The following GABRB1 variants were observed in gnomAD, a reference collection of about 807,000 sequenced individuals.
The protein encoded by GABRB1 is gamma-aminobutyric acid type A receptor subunit beta1, also known as gamma-aminobutyric acid receptor subunit beta-1.
GABRB1 carries 17 observed loss-of-function variants against 51.6 expected under a neutral mutation model. The ratio of observed to expected loss-of-function variants is 0.33; its 90% CI spans 0.23 to 0.49. GABRB1 has a LOEUF of 0.49. Among genes scored for constraint, GABRB1 ranks in the 20% least tolerant of loss-of-function variants. The pLI is 0.99. For missense variants in GABRB1, 410 were observed against 600.6 expected (o/e 0.68, Z 3.32); for synonymous variants, 247 against 218.9 (o/e 1.13, Z -1.14).
intron 4 of GABRB1, among the ~76,000 whole-genome samples, chr4:47,242,327 T>A (rs367705507): frequency 3.3e-5 from 5 of 152,166 alleles, no homozygotes; most frequent in Admixed American, 2.0e-4. Flanking sequence ...TGCTATTGTG[T>A]ATAGTGCCGC....
chr4:47,056,893 G>A (rs185208173), intron 3 of GABRB1, among the ~76,000 whole-genome samples: 158 of 152,268 alleles, frequency 1.0e-3, no homozygotes, highest in African/African-American at 3.5e-3. Context: ...AGATCATGAG[G>A]TCAGGAGTTT....
chr4:47,249,914 G>A (rs11726543), intron 4 of GABRB1, among the ~76,000 whole-genome samples: 33,194 of 151,980 alleles, frequency 0.22, 3,872 homozygotes, highest in African/African-American at 0.29. Flanking sequence ...GGAGCATTTA[G>A]GCCATTTACA....
At chr4:47,185,512 C>G (rs930325978) in intron 4 of GABRB1, among the ~76,000 whole-genome samples, 2 of 151,774 alleles carry the variant, frequency 1.3e-5, no homozygotes, top group East Asian at 1.9e-4. Flanking sequence ...AACATCCAAA[C>G]TTCCTGACAT....
At chr4:47,349,406 G>A (rs1012052445) in intron 5 of GABRB1, among the ~76,000 whole-genome samples, 2 of 152,188 alleles carry the variant, frequency 1.3e-5, no homozygotes, top group African/African-American at 4.8e-5. Context: ...AGAAAGGACA[G>A]TAGTACCTCC....
chr4:47,255,799 G>C (rs1441715206), intron 4 of GABRB1, among the ~76,000 whole-genome samples: 6 of 152,168 alleles, frequency 3.9e-5, no homozygotes, highest in Non-Finnish European at 5.9e-5. Flanking sequence ...TAGTTGATTT[G>C]GGTGCTTCTG....
At chr4:47,354,949 CT>C (rs1726498606) in intron 5 of GABRB1, among the ~76,000 whole-genome samples, 2 of 124,664 alleles carry the variant, frequency 1.6e-5, no homozygotes, top group Non-Finnish European at 3.4e-5. Context: ...GCCTTCCTTT[CT>C]CTCTCCTTCC....
At chr4:47,244,867 C>A (rs550162661) in intron 4 of GABRB1, among the ~76,000 whole-genome samples, 12 of 152,258 alleles carry the variant, frequency 7.9e-5, no homozygotes, top group Admixed American at 6.5e-4. Flanking sequence ...AAATATATAG[C>A]ACTAAATGCC....
chr4:47,272,554 T>C (rs1722914186), intron 4 of GABRB1, among the ~76,000 whole-genome samples: 1 of 152,152 alleles, frequency 6.6e-6, no homozygotes, highest in African/African-American at 2.4e-5. Flanking sequence ...TTATAACTGG[T>C]AATTACAGAA....
At chr4:47,399,210 T>C (rs971224303) in intron 5 of GABRB1, among the ~76,000 whole-genome samples, 1 of 152,336 alleles carries the variant, frequency 6.6e-6, no homozygotes, top group South Asian at 2.1e-4. Flanking sequence ...CTCCTTAGAT[T>C]TGTTATTATA....
intron 4 of GABRB1, among the ~76,000 whole-genome samples, chr4:47,249,360 T>TG (rs1198723997): frequency 2.0e-5 from 3 of 152,170 alleles, no homozygotes; most frequent in Non-Finnish European, 4.4e-5. Context: ...TATTCCACTG[T>TG]GACCTGAGAG....
intron 4 of GABRB1, among the ~76,000 whole-genome samples, chr4:47,305,601 G>A (rs1724437253): frequency 6.6e-6 from 1 of 152,064 alleles, no homozygotes; most frequent in Non-Finnish European, 1.5e-5. Context: ...AGTCACACAA[G>A]AAGCAAGTAA....
intron 4 of GABRB1, among the ~76,000 whole-genome samples, chr4:47,298,612 T>C (rs1405439688): frequency 6.6e-6 from 1 of 152,202 alleles, no homozygotes; most frequent in Non-Finnish European, 1.5e-5. Context: ...TGGAAGAACA[T>C]TCCATGCTCA....
chr4:47,254,534 TTG>T lies in GABRB1; in HGVS notation c.462-65579_462-65578del, dbSNP rs564593436. ...GTGCCCGCCACCATGCCCGGCTGAT[TTG>T]TGTGTGTGTGTGTTTTTAGTAGAGA... On this transcript the variant is annotated intron_variant, in intron 4 of 8. Transcript: ENST00000295454. Among the ~76,000 whole-genome samples, 223 of 150,978 alleles carry T rather than the reference TTG, an allele frequency of 1.5e-3. 2 individuals carry two copies. The highest frequency in any genetic ancestry group is 2.3e-3 in the Non-Finnish European group (155 of 67,664).
chr4:47,328,735 G>A (rs1009036244), intron 5 of GABRB1, among the ~76,000 whole-genome samples: 1 of 152,034 alleles, frequency 6.6e-6, no homozygotes, highest in African/African-American at 2.4e-5. Context: ...CATGGACACA[G>A]GAAGGGGAAC....
chr4:47,405,582 T>C (rs1441706637), intron 7 of GABRB1, among the ~76,000 whole-genome samples: 2 of 152,296 alleles, frequency 1.3e-5, no homozygotes, highest in South Asian at 2.1e-4. Context: ...TCAGATTTTC[T>C]GTTTACCCAG....
chr4:47,160,161 G>T (rs538151164), intron 3 of GABRB1, among the ~76,000 whole-genome samples: 2 of 152,202 alleles, frequency 1.3e-5, no homozygotes, highest in Admixed American at 6.5e-5. Flanking sequence ...GTCTCTAACT[G>T]CCAGGGGAAA....
At chr4:47,355,260 C>T (rs1349304525) in intron 5 of GABRB1, among the ~76,000 whole-genome samples, 2 of 152,006 alleles carry the variant, frequency 1.3e-5, no homozygotes, top group Non-Finnish European at 2.9e-5. Context: ...GGATTACTGG[C>T]GTGAGCCACC....
chr4:47,075,227 C>G (rs1727496841), intron 3 of GABRB1, among the ~76,000 whole-genome samples: 2 of 152,030 alleles, frequency 1.3e-5, no homozygotes, highest in Admixed American at 6.6e-5. Context: ...TCTGACCCAA[C>G]AAAAGTAGCA....
intron 3 of GABRB1, among the ~76,000 whole-genome samples, chr4:47,069,519 G>T (rs1727223554): frequency 6.6e-6 from 1 of 152,246 alleles, no homozygotes; most frequent in Admixed American, 6.5e-5. Flanking sequence ...AGTTTCTACA[G>T]TTTGACTCTC....
Sources: allele counts gnomAD v4.1 joint callset (sites outside exome capture counted in the v4.1 genomes callset), GRCh38; gene constraint gnomAD v4.1.1; transcripts MANE v1.5; gene names NCBI Gene and HGNC (gene_info 2026-07-23, HGNC 2026-07-21).